The following RNF144B variants were observed in gnomAD, a reference collection of about 807,000 sequenced individuals.
RNF144B encodes the protein ring finger protein 144B, also known as E3 ubiquitin-protein ligase RNF144B.
A neutral mutation model predicts 40.2 loss-of-function variants in RNF144B; 25 were observed. That is an observed-to-expected ratio of 0.62 (90% confidence interval 0.45 to 0.87). The LOEUF (loss-of-function observed/expected upper bound fraction) is 0.87. Ranked by LOEUF, RNF144B falls within the 40% of genes least tolerant of loss-of-function variation. The probability of loss-of-function intolerance (pLI) is 0.00; values close to 1 mark genes in which losing one functional copy is unlikely to be tolerated. For missense variants in RNF144B, 365 were observed against 373.7 expected (o/e 0.98, Z 0.19); for synonymous variants, 145 against 136.3 (o/e 1.06, Z -0.44).
At position 18,419,545 on chromosome 6, in the gene RNF144B, A is replaced by G. The variant is rs557778155; in HGVS notation, c.166-8036A>G. ...AAGAGTGACTAGAGAGGAAGAATGA[A>G]AACCAGAAGAGTATGGGATCCAGAA... On this transcript the variant is annotated intron_variant, in intron 2 of 7. Transcript: ENST00000259939. This position sits in a 1 kb window ranked among gnomAD's most constrained non-coding sequence, Gnocchi z 4.6. 1.3e-5 allele frequency among the ~76,000 whole-genome samples: 2 copies of G among 152,282 alleles called. No homozygotes were observed. The highest frequency in any genetic ancestry group is 3.9e-4 in the East Asian group (2 of 5,180).
rs80035934 is a variant in RNF144B, at chr6:18,395,439, T to C, written c.-36-4060T>C. On this transcript the variant is annotated intron_variant, in intron 1 of 7. Transcript: ENST00000259939. This position sits in a 1 kb window ranked among gnomAD's most constrained non-coding sequence, Gnocchi z 4.5. ...TAGTAATATGACACAAAGGAAGAAATGCAAGGAAACCTTGGAGCCATTCAC... is the reference window on the plus strand; with the variant it reads ...TAGTAATATGACACAAAGGAAGAAACGCAAGGAAACCTTGGAGCCATTCAC... Among the ~76,000 whole-genome samples the C allele has an allele frequency of 8.3e-3, 1,256 of 152,178 alleles. 10 individuals carry two copies. The highest frequency in any genetic ancestry group is 0.013 in the Non-Finnish European group (907 of 67,990).
rs765398332 is a variant in RNF144B at position 18,448,716 on chromosome 6, A to ACACACCCC, written c.332-8438_332-8437insACACCCCC. On this transcript the variant is annotated intron_variant, in intron 4 of 7. Transcript: ENST00000259939. This position sits in a 1 kb window ranked among gnomAD's most constrained non-coding sequence, Gnocchi z 4.0. ...CACACACACACACACACACACACAC[A>ACACACCCC]CCCCACCCCCAAGATAGAACCAGCA... Among the ~76,000 whole-genome samples, 22 of 147,756 alleles carry ACACACCCC rather than the reference A, an allele frequency of 1.5e-4. No homozygotes were observed. The highest frequency in any genetic ancestry group is 3.4e-4 in the Admixed American group (5 of 14,600).
intron 4 of RNF144B, among the ~76,000 whole-genome samples, chr6:18,452,325 A>T (rs1413505340): frequency 6.6e-6 from 1 of 152,320 alleles, no homozygotes; most frequent in East Asian, 1.9e-4. Context: ...AGCAATTAAC[A>T]AGATGCCGAT....
rs571276937 is a variant in RNF144B at position 18,457,792 on chromosome 6, C to T, written c.536+433C>T. ...TGTGTGACAGTCATATTAGAAAGAA[C>T]ACAACAATAGAAACAACGGTCCTAA... On this transcript the variant is annotated intron_variant, in intron 5 of 7. Transcript: ENST00000259939. This position sits in a 1 kb window ranked among gnomAD's most constrained non-coding sequence, Gnocchi z 5.1. Among the ~76,000 whole-genome samples the T allele has an allele frequency of 1.3e-5, 2 of 152,132 alleles. No individual in the cohort carries two copies. Among genetic ancestry groups the T allele is most frequent in the Non-Finnish European group, 2.9e-5 (2 of 68,012 alleles).
chr6:18,425,622 G>A lies in RNF144B; in HGVS notation c.166-1959G>A, dbSNP rs958605235. Among the ~76,000 whole-genome samples the A allele has an allele frequency of 1.3e-5, 2 of 152,168 alleles. No homozygotes were observed. Among genetic ancestry groups the A allele is most frequent in the African/African-American group, 2.4e-5 (1 of 41,434 alleles). ...GATTTTTCACCCTTCTGTTGAACAA[G>A]GAAGTCAGGGTTAAAACACAGTAAT... On this transcript the variant is annotated intron_variant, in intron 2 of 7. Coordinates refer to ENST00000259939, the MANE Select transcript of RNF144B (RefSeq NM_182757.4). The surrounding 1 kb of genome is among the most constrained non-coding windows in gnomAD (Gnocchi z 4.2).
chr6:18,432,100 C>T (rs976340095), intron 3 of RNF144B, among the ~76,000 whole-genome samples: 2 of 152,246 alleles, frequency 1.3e-5, no homozygotes, highest in African/African-American at 4.8e-5. Flanking sequence ...AGTTACCTAG[C>T]ATTTGCATTG....
intron 2 of RNF144B, among the ~76,000 whole-genome samples, chr6:18,401,595 T>A (rs180697325): frequency 1.1e-3 from 163 of 152,348 alleles, no homozygotes; most frequent in Admixed American, 5.6e-3. Context: ...CCTGAAATAC[T>A]CCTCTAACTT....
In RNF144B at chr6:18,462,848, G is replaced by C. The variant is rs141277408; in HGVS notation, c.682-443G>C. The stretch of plus-strand genomic sequence containing the variant: ...TTAACCCAATCACTTTCCCTTCTCT[G>C]TGATTGCTTCTCCTTGTTTCTCTCC... On this transcript the variant is annotated intron_variant, in intron 6 of 7. Coordinates refer to ENST00000259939, the MANE Select transcript of RNF144B (RefSeq NM_182757.4). Among the ~76,000 whole-genome samples, 8 of 152,086 alleles carry C rather than the reference G, an allele frequency of 5.3e-5. No homozygotes were observed. The East Asian group carries it at 1.6e-3, about 30-fold the overall frequency.
chr6:18,451,684 G>T (rs1276564466), intron 4 of RNF144B, among the ~76,000 whole-genome samples: 1 of 152,196 alleles, frequency 6.6e-6, no homozygotes, highest in African/African-American at 2.4e-5. Context: ...TAGAGCAAAA[G>T]TTCATTTCAG....
intron 2 of RNF144B, among the ~76,000 whole-genome samples, chr6:18,420,148 C>T (rs567687433): frequency 0.011 from 708 of 63,494 alleles, 1 homozygote; most frequent in African/African-American, 0.037. Context: ...AGTAGTGTTT[C>T]GGGTTTCTGA....
intron 2 of RNF144B, among the ~76,000 whole-genome samples, chr6:18,427,256 A>ATT (rs66527549): frequency 4.1e-4 from 62 of 150,078 alleles, no homozygotes; most frequent in South Asian, 3.4e-3. Context: ...AGGAACTCAT[A>ATT]TTTTTTTTTT....
rs904052089 is a variant in RNF144B at position 18,468,858 on chromosome 6, T to G, written c.*3791T>G. The G allele has an allele frequency of 2.6e-5, 4 of 152,220 alleles. No homozygotes were observed. The highest frequency in any genetic ancestry group is 2.6e-4 in the Admixed American group (4 of 15,274). 9.4% of individuals were successfully genotyped at this position (152,220 alleles called of 1,614,324 possible). A position where few individuals can be genotyped will look rare whatever the true frequency, so the allele number is the denominator to read the frequency against. On this transcript the variant is annotated 3_prime_UTR_variant, in exon 8 of 8. Coordinates refer to ENST00000259939, the MANE Select transcript of RNF144B (RefSeq NM_182757.4). ...GTTTAGGCTCTCTAGCCACAATAAA[T>G]GTAAGCAGGAAATCAAGTGTGTTAA...
intron 4 of RNF144B, among the ~76,000 whole-genome samples, chr6:18,451,879 A>G (rs1759216328): frequency 6.6e-6 from 1 of 152,352 alleles, no homozygotes; most frequent in African/African-American, 2.4e-5. Context: ...GTGATACTTC[A>G]TAAAGGAGGT....
chr6:18,403,154 ACTTTC>A (rs1159139003), intron 2 of RNF144B, among the ~76,000 whole-genome samples: 1 of 152,184 alleles, frequency 6.6e-6, no homozygotes, highest in Non-Finnish European at 1.5e-5. Flanking sequence ...GAAAATTCTA[ACTTTC>A]CTTTTCTGGG....
At chr6:18,396,982 T>G (rs1482005279) in intron 1 of RNF144B, among the ~76,000 whole-genome samples, 2 of 152,216 alleles carry the variant, frequency 1.3e-5, no homozygotes, top group African/African-American at 2.4e-5. Context: ...TTGAACTTTA[T>G]CCGGCATTTG....
chr6:18,434,130 G>A lies in RNF144B; in HGVS notation c.271-5554G>A, dbSNP rs1244006230. The stretch of plus-strand genomic sequence containing the variant: ...GAAGGACCAAACCTAAGTAAAGTCT[G>A]GGCGCTTTTTCCTTCTGTTTGGGCT... On this transcript the variant is annotated intron_variant, in intron 3 of 7. Coordinates refer to ENST00000259939, the MANE Select transcript of RNF144B (RefSeq NM_182757.4). The surrounding 1 kb of genome is among the most constrained non-coding windows in gnomAD (Gnocchi z 4.1). Among the ~76,000 whole-genome samples, 1 of 152,174 alleles carries A rather than the reference G, an allele frequency of 6.6e-6. No homozygotes were observed. Among genetic ancestry groups the A allele is most frequent in the Non-Finnish European group, 1.5e-5 (1 of 68,030 alleles).
At position 18,457,536 on chromosome 6, in the gene RNF144B, T is replaced by C. The variant is rs1249306399; in HGVS notation, c.536+177T>C. Among the ~76,000 whole-genome samples the C allele has an allele frequency of 1.3e-5, 2 of 152,176 alleles. No individual in the cohort carries two copies. The highest frequency in any genetic ancestry group is 3.9e-4 in the East Asian group (2 of 5,188). The stretch of plus-strand genomic sequence containing the variant: ...GTTGCCAACAAAAAAGCATTTCTAG[T>C]TGTTTGCCCCAGAGGAATCTTCCAG... On this transcript the variant is annotated intron_variant, in intron 5 of 7. Coordinates refer to ENST00000259939, the MANE Select transcript of RNF144B (RefSeq NM_182757.4). The surrounding 1 kb of genome is among the most constrained non-coding windows in gnomAD (Gnocchi z 5.1).
chr6:18,436,031 T>A (rs1023844016), intron 3 of RNF144B, among the ~76,000 whole-genome samples: 26 of 150,476 alleles, frequency 1.7e-4, no homozygotes, highest in African/African-American at 6.4e-4. Context: ...ATAATAATAA[T>A]AATAAAACCC....
intron 1 of RNF144B, among the ~76,000 whole-genome samples, chr6:18,397,468 C>A (rs1276755132): frequency 6.6e-6 from 1 of 152,068 alleles, no homozygotes; most frequent in Non-Finnish European, 1.5e-5. Context: ...TTAACCAGAA[C>A]ATGAAATTTC....
Sources: gnomAD v4.1 joint callset for allele counts (sites outside exome capture counted in the v4.1 genomes callset) on GRCh38, gnomAD v4.1.1 for gene constraint, Gnocchi (gnomAD v3.1) non-coding constraint, MANE v1.5 for transcripts, NCBI Gene and HGNC (gene_info 2026-07-23, HGNC 2026-07-21) for gene names.